Variants in KDM1A observed in about 807,000 individuals in gnomAD.
KDM1A encodes lysine-specific histone demethylase 1A.
A neutral mutation model predicts 109.4 loss-of-function variants in KDM1A; 49 were observed. The ratio of observed to expected loss-of-function variants is 0.45; its 90% CI spans 0.36 to 0.57. KDM1A has a LOEUF of 0.57. KDM1A is among the 20% of genes least tolerant of loss of function. The probability of loss-of-function intolerance (pLI) is 0.00; values close to 1 mark genes in which losing one functional copy is unlikely to be tolerated. For missense variants in KDM1A, 668 were observed against 1,116.6 expected (o/e 0.60, Z 5.73); for synonymous variants, 380 against 415.4 (o/e 0.91, Z 1.04).
At position 23,068,954 on chromosome 1, in the gene KDM1A, A is replaced by G. The variant is rs138442959; in HGVS notation, c.1323-107A>G. 37 of 729,742 alleles carry G rather than the reference A, an allele frequency of 5.1e-5. No homozygotes were observed. The African/African-American group carries it at 5.2e-4, about 10-fold the overall frequency. 45.2% of individuals were successfully genotyped at this position (729,742 alleles called of 1,614,324 possible). ...CTAGCCAACTTTCTTGTTCCTAAGT[A>G]TCAGAAGTTTCAGTGGGCCTTGATG... On this transcript the variant is annotated intron_variant, in intron 11 of 20. Coordinates refer to ENST00000400181, the MANE Select transcript of KDM1A (RefSeq NM_001009999.3).
chr1:23,022,701 C>T (rs546621266), intron 1 of KDM1A, among the ~76,000 whole-genome samples: 40 of 134,078 alleles, frequency 3.0e-4, no homozygotes, highest in African/African-American at 1.1e-3. Flanking sequence ...TGTCACCACC[C>T]AGGCTGGAGT....
In KDM1A at chr1:23,068,482, A is replaced by G. The variant is rs1643217544; in HGVS notation, c.1180-57A>G. On this transcript the variant is annotated intron_variant, in intron 10 of 20. Coordinates refer to ENST00000400181, the MANE Select transcript of KDM1A (RefSeq NM_001009999.3). ...TAAACTATAGAGCATTTGTGTTTTCATGGATGGTTATGTTTAGTTTTATAA... is the reference window on the plus strand; with the variant it reads ...TAAACTATAGAGCATTTGTGTTTTCGTGGATGGTTATGTTTAGTTTTATAA... The G allele has an allele frequency of 5.6e-6, 8 of 1,423,892 alleles. No individual in the cohort carries two copies. The South Asian group carries it at 1.2e-4, about 21-fold the overall frequency. The allele number at this position is 1,423,892 out of a possible 1,614,324, so 88.2% of individuals were successfully genotyped here.
At chr1:23,040,962 CAT>C in intron 2 of KDM1A, among the ~76,000 whole-genome samples, 1 of 152,252 alleles carries the variant, frequency 6.6e-6, no homozygotes, top group Non-Finnish European at 1.5e-5. Context: ...AATTTGCACT[CAT>C]GGAAAGCTAA....
At chr1:23,039,628 T>G (rs1642248627) in intron 2 of KDM1A, among the ~76,000 whole-genome samples, 1 of 152,250 alleles carries the variant, frequency 6.6e-6, no homozygotes, top group South Asian at 2.1e-4. Context: ...CATCTCCTTC[T>G]GAAAGTAGGT....
At chr1:23,071,602 C>T (rs1286403165) in intron 13 of KDM1A, among the ~76,000 whole-genome samples, 3 of 152,136 alleles carry the variant, frequency 2.0e-5, no homozygotes, top group Non-Finnish European at 4.4e-5. Context: ...CTCAATTTAG[C>T]CCTAACAGTT....
intron 10 of KDM1A, among the ~76,000 whole-genome samples, chr1:23,068,039 A>C (rs2124506803): frequency 6.6e-6 from 1 of 152,300 alleles, no homozygotes; most frequent in East Asian, 1.9e-4. Context: ...CATGAATTTC[A>C]TTTCTCTTTT....
At chr1:23,069,291 A>C in intron 12 of KDM1A, 140 bp downstream of exon 12, 1 of 553,042 alleles carries the variant, frequency 1.8e-6, no homozygotes, top group Non-Finnish European at 3.3e-6. Context: ...TAAGAAAATA[A>C]TGACTAACGA....
chr1:23,028,101 G>A (rs928726006), intron 1 of KDM1A, among the ~76,000 whole-genome samples: 2 of 152,220 alleles, frequency 1.3e-5, no homozygotes, highest in African/African-American at 4.8e-5. Flanking sequence ...TCAAGGCATT[G>A]GATTAAACAA....
intron 1 of KDM1A, among the ~76,000 whole-genome samples, chr1:23,027,510 C>T (rs9661912): frequency 1.7e-4 from 25 of 144,780 alleles, no homozygotes; most frequent in African/African-American, 6.4e-4. Flanking sequence ...GACCCCCCCC[C>T]GCCCCCACCA....
chr1:23,044,226 G>C, intron 2 of KDM1A: 1 of 515,200 alleles, frequency 1.9e-6, no homozygotes, highest in Admixed American at 3.2e-5. Context: ...GAATCAACAT[G>C]TAAAGTTGAA....
At chr1:23,041,311 C>T (rs1642323959) in intron 2 of KDM1A, among the ~76,000 whole-genome samples, 1 of 151,660 alleles carries the variant, frequency 6.6e-6, no homozygotes, top group African/African-American at 2.4e-5. Flanking sequence ...AGATAAATAA[C>T]TTGTTTCTTA....
At chr1:23,026,394 GT>G (rs754619806) in intron 1 of KDM1A, among the ~76,000 whole-genome samples, 22 of 61,564 alleles carry the variant, frequency 3.6e-4, no homozygotes, top group East Asian at 2.9e-3. Flanking sequence ...TTGTCTGTTT[GT>G]TTTTTTTTTT....
rs1331314832 is a variant in KDM1A at position 23,056,106 on chromosome 1, A to C, written c.990+68A>C. ...ATATGGTAAGCAAATTATCTGTTGC[A>C]AATTAAAGAATTATACAACTTGAAC... On this transcript the variant is annotated intron_variant, in intron 7 of 20. Transcript: ENST00000400181. The C allele has an allele frequency of 2.4e-5, 25 of 1,038,942 alleles. No homozygotes were observed. The South Asian group carries it at 3.1e-4, about 13-fold the overall frequency. The allele number at this position is 1,038,942 out of a possible 1,614,324, so 64.4% of individuals were successfully genotyped here. A position where few individuals can be genotyped will look rare whatever the true frequency, so the allele number is the denominator to read the frequency against.
chr1:23,020,038 G>A (rs1382133323), intron 1 of KDM1A, 91 bp downstream of exon 1: 6 of 1,320,526 alleles, frequency 4.5e-6, no homozygotes, highest in Non-Finnish European at 5.9e-6. Context: ...CGGGTCTTGG[G>A]CCCTGCGACC....
chr1:23,034,598 T>C (rs369605095), intron 2 of KDM1A, among the ~76,000 whole-genome samples: 3 of 152,356 alleles, frequency 2.0e-5, no homozygotes, highest in African/African-American at 7.2e-5. Context: ...CTTACTTGGC[T>C]TTTTTATTTT....
At chr1:23,039,277 C>A (rs1292007596) in intron 2 of KDM1A, among the ~76,000 whole-genome samples, 1 of 152,104 alleles carries the variant, frequency 6.6e-6, no homozygotes, top group African/African-American at 2.4e-5. Context: ...GTTCTTTATC[C>A]CTTTTACCAA....
At chr1:23,057,724 C>A in intron 8 of KDM1A, 159 bp downstream of exon 8, 1 of 378,786 alleles carries the variant, frequency 2.6e-6, no homozygotes, top group Non-Finnish European at 5.0e-6. Flanking sequence ...TTGTACATAT[C>A]TTTTGACCTA....
chr1:23,038,097 A>G (rs978277489), intron 2 of KDM1A, among the ~76,000 whole-genome samples: 1 of 152,202 alleles, frequency 6.6e-6, no homozygotes, highest in Admixed American at 6.5e-5. Flanking sequence ...TGAACAAAGA[A>G]TAGGGTGGAT....
intron 1 of KDM1A, among the ~76,000 whole-genome samples, chr1:23,025,571 C>G (rs1641771785): frequency 1.3e-5 from 2 of 152,004 alleles, no homozygotes; most frequent in African/African-American, 2.4e-5. Context: ...CTCAGGTGAT[C>G]CACCCACCTC....
Sources: allele counts gnomAD v4.1 joint callset (sites outside exome capture counted in the v4.1 genomes callset), GRCh38; gene constraint gnomAD v4.1.1; transcripts MANE v1.5; gene names NCBI Gene and HGNC (gene_info 2026-07-23, HGNC 2026-07-21).